The following ANKS6 variants were observed in gnomAD, a reference collection of about 807,000 sequenced individuals.
The protein encoded by ANKS6 is ankyrin repeat and sterile alpha motif domain containing 6, also known as ankyrin repeat and SAM domain-containing protein 6.
In ANKS6, 47 loss-of-function variants were observed where a neutral mutation model predicts 77.9. The ratio of observed to expected loss-of-function variants is 0.60; its 90% CI spans 0.48 to 0.77. ANKS6 has a LOEUF of 0.77. Ranked by LOEUF, ANKS6 falls within the 30% of genes least tolerant of loss-of-function variation. The pLI is 0.00. For missense variants in ANKS6, 1,150 were observed against 1,159.1 expected (o/e 0.99, Z 0.11); for synonymous variants, 488 against 501.7 (o/e 0.97, Z 0.37).
At position 98,735,209 on chromosome 9, in the gene ANKS6, G is replaced by A. The variant is rs1157939294; in HGVS notation, c.*1310C>T. 2.0e-6 allele frequency: 2 copies of A among 985,922 alleles called. No homozygotes were observed. Among genetic ancestry groups the A allele is most frequent in the Non-Finnish European group, 2.4e-6 (2 of 830,404 alleles). The allele number at this position is 985,922 out of a possible 1,614,324, so 61.1% of individuals were successfully genotyped here. A position where few individuals can be genotyped will look rare whatever the true frequency, so the allele number is the denominator to read the frequency against. On this transcript the variant is annotated 3_prime_UTR_variant, in exon 15 of 15. Transcript: ENST00000353234. ...ACTAAGAGGCCATTGAGCTTCATCT[G>A]AACTTTGAACCTGAGTCCAGAGCAC... is the stretch of plus-strand genomic sequence containing the variant.
Position 98,768,184 on chromosome 9 carries a change from T to C in ANKS6, c.2039A>G (p.Glu680Gly), listed in dbSNP as rs768374988. The C allele has an allele frequency of 6.2e-7, 1 of 1,614,096 alleles. No homozygotes were observed. Among genetic ancestry groups the C allele is most frequent in the Admixed American group, 1.7e-5 (1 of 60,030 alleles). ...AQRKKAAGLL[E>G]QKPSHRSSPV... is the part of the protein sequence containing the mutation. ...GCTTGACCGATGGCTGGGTTTCTGC[T>C]CCAATAATCCGGCTGCTTTTTTCCT... The change falls in exon 11 of 15, where the codon GAG (glutamate) becomes GGG (glycine). Residue 680 changes from glutamate (E) to glycine (G), a missense_variant. By Grantham distance (98) the Glu-to-Gly change is moderately conservative. Transcript: ENST00000353234.
At position 98,784,090 on chromosome 9, in the gene ANKS6, G is replaced by T. The variant is rs76803608; in HGVS notation, c.975C>A (p.Asp325Glu). Residue 325 changes from aspartate to glutamate, a missense_variant, in exon 4 of 15, where the codon GAC (aspartate) becomes GAA (glutamate). Physicochemically the swap from Asp to Glu is conservative, Grantham distance 45. Coordinates refer to ENST00000353234, the MANE Select transcript of ANKS6 (RefSeq NM_173551.5). ...CTGCTAGCATCAGTGGCGTCGCCCC[G>T]TCCCCATTGACCAAGTTCACGTGGC... ...DPSHVNLVNG[D>E]GATPLMLAAV... The T allele has an allele frequency of 6.3e-7, 1 of 1,597,362 alleles. No homozygotes were observed.
Position 98,732,819 on chromosome 9 carries a change from A to T in ANKS6, c.*3700T>A. The T allele has an allele frequency of 3.1e-6, 4 of 1,279,214 alleles. No individual in the cohort carries two copies. The South Asian group carries it at 8.3e-5, about 27-fold the overall frequency. 79.2% of individuals were successfully genotyped at this position (1,279,214 alleles called of 1,614,324 possible). ...CCAGGGTAACAGGTTGCTTCTACTC[A>T]TTTTAAAGGACTAAAAACAGAAAAA... On this transcript the variant is annotated 3_prime_UTR_variant, in exon 15 of 15. Transcript: ENST00000353234.
chr9:98,764,857 G>A (rs1833185863), intron 11 of ANKS6, among the ~76,000 whole-genome samples: 1 of 152,276 alleles, frequency 6.6e-6, no homozygotes, highest in East Asian at 1.9e-4. Flanking sequence ...ACCTTTGTCA[G>A]ATCTGATTAT....
intron 11 of ANKS6, among the ~76,000 whole-genome samples, chr9:98,763,540 T>C (rs1034733105): frequency 1.8e-4 from 27 of 151,048 alleles, no homozygotes; most frequent in African/African-American, 6.3e-4. Context: ...AAAAGAAAGA[T>C]CTCTAAACTG....
chr9:98,773,165 G>A (rs1458522974), intron 9 of ANKS6, among the ~76,000 whole-genome samples: 1 of 152,218 alleles, frequency 6.6e-6, no homozygotes, highest in Non-Finnish European at 1.5e-5. Context: ...CCAGGCGCCA[G>A]GCTCTTGGTC....
intron 11 of ANKS6, among the ~76,000 whole-genome samples, chr9:98,759,396 C>A (rs927155865): frequency 6.6e-6 from 1 of 152,196 alleles, no homozygotes. Context: ...CAGTGGACAC[C>A]AGCTAAGTAT....
At chr9:98,748,832 A>C (rs1008461497) in intron 13 of ANKS6, among the ~76,000 whole-genome samples, 3 of 152,182 alleles carry the variant, frequency 2.0e-5, no homozygotes, top group Non-Finnish European at 2.9e-5. Context: ...AAAGATGAAA[A>C]TTATTAGTCT....
At chr9:98,751,136 G>A (rs1448332380) in intron 12 of ANKS6, 40 bp from the exon 13 acceptor site, 1 of 1,537,182 alleles carries the variant, frequency 6.5e-7, no homozygotes, top group Non-Finnish European at 8.9e-7. Context: ...ACACATTTTA[G>A]AATTTGGTAA....
intron 14 of ANKS6, among the ~76,000 whole-genome samples, chr9:98,740,691 C>T (rs561826209): frequency 3.3e-5 from 5 of 152,236 alleles, no homozygotes; most frequent in African/African-American, 1.2e-4. Flanking sequence ...TGATTAAAAC[C>T]ATAATTGTTT....
At position 98,780,357 on chromosome 9, in the gene ANKS6, C is replaced by G; in HGVS notation, c.1220-20G>C. The G allele has an allele frequency of 5.1e-6, 8 of 1,563,770 alleles. No individual in the cohort carries two copies. Among genetic ancestry groups the G allele is most frequent in the Non-Finnish European group, 6.9e-6 (8 of 1,151,524 alleles). ...CCGTGTCTATGGACACAAAAGGCAT[C>G]ATTTTACCTGCAAATATGTCTGTTG... On this transcript the variant is annotated intron_variant, in intron 5 of 14. Coordinates refer to ENST00000353234, the MANE Select transcript of ANKS6 (RefSeq NM_173551.5).
At position 98,733,410 on chromosome 9, in the gene ANKS6, T is replaced by C; in HGVS notation, c.*3109A>G. 3.0e-6 allele frequency: 3 copies of C among 985,404 alleles called. No individual in the cohort carries two copies. The highest frequency in any genetic ancestry group is 3.6e-6 in the Non-Finnish European group (3 of 829,948). 61.0% of individuals were successfully genotyped at this position (985,404 alleles called of 1,614,324 possible). On this transcript the variant is annotated 3_prime_UTR_variant, in exon 15 of 15. Transcript: ENST00000353234. Reference sequence around the variant, plus strand: ...AGCTCAGGGTGGAGCCTCAGCTCAATGCCCTCAGGCTGGAGAGCTCTCAGA... The same window carrying C: ...AGCTCAGGGTGGAGCCTCAGCTCAACGCCCTCAGGCTGGAGAGCTCTCAGA...
intron 14 of ANKS6, among the ~76,000 whole-genome samples, chr9:98,743,241 G>C (rs1177444162): frequency 6.6e-6 from 1 of 152,130 alleles, no homozygotes; most frequent in African/African-American, 2.4e-5. Context: ...GAGGAGAAAG[G>C]GTCCTCTAAC....
rs1156934709 is a variant in ANKS6 at position 98,736,193 on chromosome 9, C to T, written c.*326G>A. 5 of 1,179,400 alleles carry T rather than the reference C, an allele frequency of 4.2e-6. No individual in the cohort carries two copies. The highest frequency in any genetic ancestry group is 8.1e-5 in the East Asian group (2 of 24,620). 73.1% of individuals were successfully genotyped at this position (1,179,400 alleles called of 1,614,324 possible). A position where few individuals can be genotyped will look rare whatever the true frequency, so the allele number is the denominator to read the frequency against. On this transcript the variant is annotated 3_prime_UTR_variant, in exon 15 of 15. Transcript: ENST00000353234. ...CTTCTCCATCGTCCCTTTCCCTTGC[C>T]GCCAGCCAGAAGCAAACTCTGAGGC...
chr9:98,768,785 G>A (rs1040507676), intron 10 of ANKS6, among the ~76,000 whole-genome samples: 6 of 152,132 alleles, frequency 3.9e-5, no homozygotes, highest in African/African-American at 1.4e-4. Flanking sequence ...AACCCTGACT[G>A]CCATTCTCCC....
chr9:98,781,431 G>A (rs536084289), intron 5 of ANKS6, among the ~76,000 whole-genome samples: 1 of 152,278 alleles, frequency 6.6e-6, no homozygotes, highest in South Asian at 2.1e-4. Context: ...GACTGATTCC[G>A]AATAACAAAC....
chr9:98,770,428 T>C (rs1353592393), intron 10 of ANKS6, among the ~76,000 whole-genome samples: 1 of 152,186 alleles, frequency 6.6e-6, no homozygotes, highest in Non-Finnish European at 1.5e-5. Context: ...TAGGGAGGAC[T>C]AGAAAGTATG....
intron 12 of ANKS6, among the ~76,000 whole-genome samples, chr9:98,755,230 A>G (rs943777130): frequency 2.0e-5 from 3 of 151,734 alleles, no homozygotes; most frequent in African/African-American, 7.3e-5. Context: ...TCAGCACCCT[A>G]CTCCTCAGCA....
chr9:98,757,265 G>T (rs1238522354), intron 11 of ANKS6, among the ~76,000 whole-genome samples: 1 of 152,054 alleles, frequency 6.6e-6, no homozygotes, highest in Non-Finnish European at 1.5e-5. Flanking sequence ...TGTTTCCCTG[G>T]CTGTTTTGCT....
Sources: allele counts gnomAD v4.1 joint callset (sites outside exome capture counted in the v4.1 genomes callset), GRCh38; gene constraint gnomAD v4.1.1; transcripts MANE v1.5; gene names NCBI Gene and HGNC (gene_info 2026-07-23, HGNC 2026-07-21).